Variants in FANCL observed in about 807,000 individuals in gnomAD.
The protein encoded by FANCL is E3 ubiquitin-protein ligase FANCL.
In FANCL, 69 loss-of-function variants were observed where a neutral mutation model predicts 59.4. That is an observed-to-expected ratio of 1.16 (90% confidence interval 0.96 to 1.42). The LOEUF (loss-of-function observed/expected upper bound fraction) is 1.42. Ranked by LOEUF, FANCL falls within the 40% of genes most tolerant of loss-of-function variation. The pLI, the probability that FANCL is intolerant of heterozygous loss-of-function variation, is 0.00. For missense variants in FANCL, 519 were observed against 447.2 expected (o/e 1.16, Z -1.45); for synonymous variants, 180 against 147.1 (o/e 1.22, Z -1.62).
chr2:58,238,154 G>A (rs1427945671), intron 1 of FANCL, among the ~76,000 whole-genome samples: 1 of 152,072 alleles, frequency 6.6e-6, no homozygotes, highest in Admixed American at 6.5e-5. Flanking sequence ...AAACATTATG[G>A]GATTTTTTGT....
chr2:58,175,689 G>A (rs1443083500), intron 7 of FANCL, among the ~76,000 whole-genome samples: 1 of 152,188 alleles, frequency 6.6e-6, no homozygotes, highest in Non-Finnish European at 1.5e-5. Flanking sequence ...CAGTGAATGG[G>A]CAAAAACTTG....
At chr2:58,198,796 G>C in intron 6 of FANCL, 134 bp from the exon 7 acceptor site, 2 of 657,972 alleles carry the variant, frequency 3.0e-6, no homozygotes, top group Non-Finnish European at 5.6e-6. Flanking sequence ...TTGGGAGGCC[G>C]AGGCGGGCGG....
At chr2:58,225,745 C>T (rs1294993596) in intron 4 of FANCL, among the ~76,000 whole-genome samples, 1 of 151,972 alleles carries the variant, frequency 6.6e-6, no homozygotes, top group African/African-American at 2.4e-5. Flanking sequence ...CCATGAATAT[C>T]TTACAAGCCA....
chr2:58,236,634 ATAACCACGTT>A (rs1694052715), intron 1 of FANCL, among the ~76,000 whole-genome samples: 1 of 152,102 alleles, frequency 6.6e-6, no homozygotes, highest in Non-Finnish European at 1.5e-5. Flanking sequence ...AACCATATGA[ATAACCACGTT>A]AAATGTAAAT....
rs760023098 is a variant in FANCL, at chr2:58,159,376, C to T, written c.*389G>A. 6.2e-7 allele frequency: 1 copy of T among 1,609,806 alleles called. No individual in the cohort carries two copies. Among genetic ancestry groups the T allele is most frequent in the African/African-American group, 1.3e-5 (1 of 74,522 alleles). ...AAGCACAAGGAGAAGACAGAAATAT[C>T]AAGAGTCTCAAGAACCTTTGAATGA... is the stretch of plus-strand genomic sequence containing the variant. On this transcript the variant is annotated 3_prime_UTR_variant, in exon 14 of 14. Transcript: ENST00000233741.
chr2:58,180,733 A>C (rs2104956558), intron 7 of FANCL, among the ~76,000 whole-genome samples: 1 of 152,038 alleles, frequency 6.6e-6, no homozygotes, highest in Middle Eastern at 3.4e-3. Context: ...ATACAATAAA[A>C]ATAGCCACCT....
chr2:58,211,651 T>C (rs1390018876), intron 5 of FANCL, among the ~76,000 whole-genome samples: 1 of 151,506 alleles, frequency 6.6e-6, no homozygotes, highest in Non-Finnish European at 1.5e-5. Context: ...CTAAATGCTT[T>C]TAATAGCACC....
At chr2:58,217,187 T>G (rs1307498701) in intron 5 of FANCL, among the ~76,000 whole-genome samples, 8 of 7,602 alleles carry the variant, frequency 1.1e-3, no homozygotes, top group Admixed American at 7.1e-3. Context: ...TATATATATA[T>G]ATATATATAT....
chr2:58,186,199 G>A (rs1223914585), intron 7 of FANCL, among the ~76,000 whole-genome samples: 2 of 152,146 alleles, frequency 1.3e-5, no homozygotes, highest in East Asian at 1.9e-4. Flanking sequence ...TGCTTAGGAG[G>A]TCATATATAA....
At chr2:58,224,745 A>G (rs931166030) in intron 4 of FANCL, among the ~76,000 whole-genome samples, 4 of 151,994 alleles carry the variant, frequency 2.6e-5, no homozygotes, top group African/African-American at 7.2e-5. Context: ...CAAGTAGAAC[A>G]TAACAAAAAA....
chr2:58,226,011 A>C (rs533395494), intron 4 of FANCL, among the ~76,000 whole-genome samples: 150 of 152,190 alleles, frequency 9.9e-4, no homozygotes, highest in Non-Finnish European at 1.5e-3. Flanking sequence ...AAAACAGATA[A>C]AAAGCACTTA....
At chr2:58,172,162 C>G (rs1256007644) in intron 7 of FANCL, among the ~76,000 whole-genome samples, 2 of 152,234 alleles carry the variant, frequency 1.3e-5, no homozygotes, top group Non-Finnish European at 2.9e-5. Context: ...GGCTCCACCT[C>G]TGGGGACACG....
intron 7 of FANCL, among the ~76,000 whole-genome samples, chr2:58,193,898 G>A (rs1284320240): frequency 2.2e-4 from 33 of 152,128 alleles, no homozygotes; most frequent in Admixed American, 2.2e-3. Context: ...TGACTTGTCT[G>A]AATAATACAA....
chr2:58,173,459 A>G (rs924885620), intron 7 of FANCL, among the ~76,000 whole-genome samples: 5 of 152,342 alleles, frequency 3.3e-5, no homozygotes, highest in African/African-American at 1.2e-4. Flanking sequence ...TCTACAAGCC[A>G]GAAGAGAGTG....
intron 6 of FANCL, among the ~76,000 whole-genome samples, chr2:58,201,856 T>A (rs772984539): frequency 1.4e-4 from 21 of 151,938 alleles, no homozygotes; most frequent in South Asian, 6.2e-4. Context: ...AAGTATGTAT[T>A]CCAGAATAAA....
chr2:58,193,823 G>A (rs1010480456), intron 7 of FANCL, among the ~76,000 whole-genome samples: 1 of 152,036 alleles, frequency 6.6e-6, no homozygotes, highest in Non-Finnish European at 1.5e-5. Flanking sequence ...ACATATCCAT[G>A]AAAAGAAAAA....
At chr2:58,198,472 G>T (rs1558783461) in intron 7 of FANCL, 122 bp downstream of exon 7, 1 of 721,054 alleles carries the variant, frequency 1.4e-6, no homozygotes, top group East Asian at 2.7e-5. Context: ...AGAGATTTGG[G>T]TATGCATGGA....
At chr2:58,239,987 G>A (rs969557932) in intron 1 of FANCL, among the ~76,000 whole-genome samples, 8 of 151,996 alleles carry the variant, frequency 5.3e-5, no homozygotes, top group African/African-American at 1.4e-4. Flanking sequence ...TATAGCAATG[G>A]TCATAAAAGA....
Position 58,198,618 on chromosome 2 carries a change from T to C in FANCL, c.516A>G (p.Pro172=), listed in dbSNP as rs1340671153. ...SPDYFVDFPV[P]FCASWTPQSS... is the part of the protein sequence containing the mutation. ...CCTGAGGTGTCCAGGAGGCACAAAA[T>C]GGAACAGGAAAATCCACAAAATAAT... The change falls in exon 7 of 14, where the codon CCA becomes CCG. Residue 172 remains proline, a synonymous_variant. Transcript: ENST00000233741. 2 of 1,613,940 alleles carry C rather than the reference T, an allele frequency of 1.2e-6. No homozygotes were observed. The highest frequency in any genetic ancestry group is 1.1e-5 in the South Asian group (1 of 91,072).
Sources: allele counts gnomAD v4.1 joint callset (sites outside exome capture counted in the v4.1 genomes callset), GRCh38; gene constraint gnomAD v4.1.1; transcripts MANE v1.5; gene names NCBI Gene and HGNC (gene_info 2026-07-23, HGNC 2026-07-21).